The following RNF220 variants were observed in gnomAD, a reference collection of about 807,000 sequenced individuals.
RNF220 encodes the protein ring finger protein 220.
Under a neutral mutation model 67.1 loss-of-function variants are expected in RNF220, and 7 were observed. The observed-to-expected ratio is 0.10, with a 90% CI of 0.06 to 0.20. The LOEUF (loss-of-function observed/expected upper bound fraction) is 0.20. RNF220 is among the 10% of genes least tolerant of loss of function. The pLI is 1.00. For missense variants in RNF220, 565 were observed against 740.3 expected, an observed-to-expected ratio of 0.76 and a Z score of 2.75; for synonymous variants, 270 against 283.2, an observed-to-expected ratio of 0.95 and a Z score of 0.47.
intron 2 of RNF220, among the ~76,000 whole-genome samples, chr1:44,447,717 C>A (rs1208650583): frequency 6.6e-6 from 1 of 152,178 alleles, no homozygotes; most frequent in Non-Finnish European, 1.5e-5. Context: ...AAGTATTATT[C>A]ACCCTTTAAA....
At chr1:44,587,783 G>A (rs1159526469) in intron 2 of RNF220, among the ~76,000 whole-genome samples, 1 of 152,206 alleles carries the variant, frequency 6.6e-6, no homozygotes, top group Admixed American at 6.5e-5. Context: ...CGGCCTTACA[G>A]GGGCAGTGTT....
At chr1:44,612,250 C>T (rs74070560) in intron 2 of RNF220, among the ~76,000 whole-genome samples, 28,598 of 152,208 alleles carry the variant, frequency 0.19, 2,920 homozygotes, top group Middle Eastern at 0.31. Flanking sequence ...TCTTCTCCCC[C>T]TTTCTCTTTT....
At position 44,405,418 on chromosome 1, in the gene RNF220, CG is replaced by C; in HGVS notation, c.-229del. The stretch of plus-strand genomic sequence containing the variant: ...CTGCCGCTGCCGCCGCCGCCGCCGC[CG>C]CTGCCTCCGCCGGCTCTGCGAACCC... On this transcript the variant is annotated 5_prime_UTR_variant, in exon 1 of 15. The change creates a premature stop within an existing upstream ORF in the 5' untranslated region. Transcript: ENST00000361799. 1.6e-6 allele frequency: 1 copy of C among 608,820 alleles called. No homozygotes were observed. The highest frequency in any genetic ancestry group is 1.9e-5 in the African/African-American group (1 of 52,796). 37.7% of individuals were successfully genotyped at this position (608,820 alleles called of 1,614,324 possible). A position where few individuals can be genotyped will look rare whatever the true frequency, so the allele number is the denominator to read the frequency against.
At chr1:44,636,445 G>A (rs1367868856) in intron 8 of RNF220, 2 of 717,560 alleles carry the variant, frequency 2.8e-6, no homozygotes, top group Admixed American at 4.0e-5. Flanking sequence ...TGACAGCCAA[G>A]CCGCGTTAGC....
intron 2 of RNF220, among the ~76,000 whole-genome samples, chr1:44,564,751 CAAAA>C (rs34127522): frequency 2.1e-5 from 2 of 93,712 alleles, no homozygotes. Flanking sequence ...GACTCCATCT[CAAAA>C]AAAAAAAAAA....
At chr1:44,408,403 A>C (rs1040159649) in intron 1 of RNF220, among the ~76,000 whole-genome samples, 9 of 152,114 alleles carry the variant, frequency 5.9e-5, no homozygotes, top group African/African-American at 2.2e-4. Flanking sequence ...ATGTTCCCTG[A>C]GCTCTCGCAT....
intron 2 of RNF220, among the ~76,000 whole-genome samples, chr1:44,449,792 T>C (rs1652482050): frequency 6.6e-6 from 1 of 152,194 alleles, no homozygotes; most frequent in Admixed American, 6.5e-5. Flanking sequence ...ACCTAACACA[T>C]TGCTAGGTAC....
intron 2 of RNF220, among the ~76,000 whole-genome samples, chr1:44,564,481 G>A (rs1035944865): frequency 2.6e-5 from 4 of 152,132 alleles, no homozygotes; most frequent in African/African-American, 9.7e-5. Context: ...CTGGCCAGGT[G>A]CAGTGGTTCA....
intron 12 of RNF220, among the ~76,000 whole-genome samples, chr1:44,646,995 G>A (rs184467500): frequency 1.3e-5 from 2 of 152,374 alleles, no homozygotes; most frequent in East Asian, 3.9e-4. Flanking sequence ...TGGACCAGGG[G>A]TTGGAGGCTT....
chr1:44,438,330 C>G (rs1470634387), intron 2 of RNF220, among the ~76,000 whole-genome samples: 1 of 151,898 alleles, frequency 6.6e-6, no homozygotes, highest in Non-Finnish European at 1.5e-5. Context: ...ACAATGTTGC[C>G]CAGGCTAGTC....
chr1:44,602,882 GT>G (rs910499582), intron 2 of RNF220, among the ~76,000 whole-genome samples: 1 of 152,042 alleles, frequency 6.6e-6, no homozygotes, highest in South Asian at 2.1e-4. Context: ...CTGCCAGCCA[GT>G]CGTCCCTCCC....
In RNF220 at chr1:44,509,884, CCAAAAAA is replaced by C. The variant is rs1198815163; in HGVS notation, c.625+97163_625+97169del. 4.9e-3 allele frequency among the ~76,000 whole-genome samples: 390 copies of C among 80,384 alleles called. 9 individuals carry two copies. In the East Asian group the frequency reaches 0.093, roughly 19 times the overall value. The allele number at this position is 80,384 out of a possible 152,430, so 52.7% of individuals were successfully genotyped here. A position where few individuals can be genotyped will look rare whatever the true frequency, so the allele number is the denominator to read the frequency against. On this transcript the variant is annotated intron_variant, in intron 2 of 14. Transcript: ENST00000361799. ...CCTGGGTGACAGAGCGAGACCCTGT[CCAAAAAA>C]AAAAAAAAAAAAAAAGGAAGGAAGG... is the stretch of plus-strand genomic sequence containing the variant.
chr1:44,504,323 GGTTA>G (rs1305503457), intron 2 of RNF220, among the ~76,000 whole-genome samples: 2 of 152,266 alleles, frequency 1.3e-5, no homozygotes, highest in East Asian at 3.9e-4. Context: ...TAAGTCTTTT[GGTTA>G]GTTCTTGGGC....
chr1:44,565,685 C>A lies in RNF220; in HGVS notation c.626-48480C>A, dbSNP rs567665235. 6.6e-6 allele frequency among the ~76,000 whole-genome samples: 1 copy of A among 152,274 alleles called. No homozygotes were observed. The highest frequency in any genetic ancestry group is 2.4e-5 in the African/African-American group (1 of 41,552). On this transcript the variant is annotated intron_variant, in intron 2 of 14. Transcript: ENST00000361799. The surrounding 1 kb of genome is among the most constrained non-coding windows in gnomAD (Gnocchi z 4.2). ...TCCACTTTAGTATTAGCCTGAGCTA[C>A]CCATTTTAGCTGGAGGGGTTTGCAT...
chr1:44,454,232 C>T (rs1652954433), intron 2 of RNF220, among the ~76,000 whole-genome samples: 2 of 152,244 alleles, frequency 1.3e-5, no homozygotes, highest in African/African-American at 2.4e-5. Context: ...GAAGGTAGAA[C>T]TCATCTGTAA....
chr1:44,632,350 T>G lies in RNF220; in HGVS notation c.914T>G (p.Leu305Arg). 6.2e-7 allele frequency: 1 copy of G among 1,614,088 alleles called. No individual in the cohort carries two copies. The highest frequency in any genetic ancestry group is 8.5e-7 in the Non-Finnish European group (1 of 1,180,016). ...CCCGCGATCTTCTCCCAGACCTTTC[T>G]GCGAGTACGAGCCAACCGGCAGACC... ...LHHSDRYQTFLRVRANRQTRL... is the reference protein window; with the variant it reads ...LHHSDRYQTFRRVRANRQTRL... The change falls in exon 6 of 15, where the codon CTG becomes CGG. Residue 305 changes from leucine (L) to arginine (R), a missense_variant. Coordinates refer to ENST00000361799, the MANE Select transcript of RNF220 (RefSeq NM_018150.4).
intron 2 of RNF220, among the ~76,000 whole-genome samples, chr1:44,427,366 T>C (rs1377302597): frequency 6.6e-6 from 1 of 152,014 alleles, no homozygotes; most frequent in Admixed American, 6.6e-5. Flanking sequence ...TATGTCAGGC[T>C]GTCTCCATAC....
intron 2 of RNF220, among the ~76,000 whole-genome samples, chr1:44,484,897 A>T (rs1255203906): frequency 6.6e-6 from 1 of 152,182 alleles, no homozygotes; most frequent in African/African-American, 2.4e-5. Context: ...TAATCCCAGC[A>T]CTTCGGGAGG....
intron 2 of RNF220, among the ~76,000 whole-genome samples, chr1:44,611,162 C>T (rs148799435): frequency 6.6e-6 from 1 of 152,278 alleles, no homozygotes; most frequent in East Asian, 1.9e-4. Context: ...CACTCTAACC[C>T]CTGAGAAAAT....
Sources: gnomAD v4.1 joint callset for allele counts (sites outside exome capture counted in the v4.1 genomes callset) on GRCh38, gnomAD v4.1.1 for gene constraint, Gnocchi (gnomAD v3.1) non-coding constraint, MANE v1.5 for transcripts, NCBI Gene and HGNC (gene_info 2026-07-23, HGNC 2026-07-21) for gene names.